Variants in UVRAG observed in about 807,000 individuals in gnomAD.
The protein encoded by UVRAG is UV radiation resistance-associated gene protein.
Under a neutral mutation model 78.0 loss-of-function variants are expected in UVRAG, and 19 were observed. The observed-to-expected ratio is 0.24, with a 90% CI of 0.17 to 0.36. The LOEUF (loss-of-function observed/expected upper bound fraction) is 0.36, where lower values mean the gene tolerates loss of function less well. Ranked by LOEUF, UVRAG falls within the 10% of genes least tolerant of loss-of-function variation. UVRAG has a pLI of 1.00. For missense variants in UVRAG, 740 were observed against 853.8 expected (o/e 0.87, Z 1.66); for synonymous variants, 323 against 324.6 (o/e 1.00, Z 0.05).
At chr11:76,007,738 T>A (rs1949974291) in intron 10 of UVRAG, 117 bp downstream of exon 10, 6 of 765,690 alleles carry the variant, frequency 7.8e-6, no homozygotes, top group Non-Finnish European at 1.3e-5. Flanking sequence ...CTGTCATGAT[T>A]CATTCAGGAG....
At chr11:76,001,291 A>G (rs1949809548) in intron 8 of UVRAG, among the ~76,000 whole-genome samples, 1 of 152,228 alleles carries the variant, frequency 6.6e-6, no homozygotes, top group Non-Finnish European at 1.5e-5. Context: ...GAAATGAATG[A>G]AAATGAAAAT....
intron 3 of UVRAG, among the ~76,000 whole-genome samples, chr11:75,873,818 T>C (rs1946703507): frequency 6.6e-6 from 1 of 152,130 alleles, no homozygotes; most frequent in South Asian, 2.1e-4. Flanking sequence ...TCATGTAAGG[T>C]AGAGTTGGTG....
chr11:75,894,628 C>G (rs1442888670), intron 5 of UVRAG, among the ~76,000 whole-genome samples: 1 of 151,392 alleles, frequency 6.6e-6, no homozygotes, highest in Admixed American at 6.6e-5. Flanking sequence ...GGTCTCAAAC[C>G]CCTGATCCCA....
intron 11 of UVRAG, 133 bp from the exon 12 acceptor site, chr11:76,016,682 A>G (rs1172687741): frequency 3.8e-6 from 3 of 787,894 alleles, no homozygotes; most frequent in African/African-American, 3.5e-5. Context: ...TAAAATTTAT[A>G]TAATTTAGAT....
At chr11:76,093,909 G>A (rs1951745959) in intron 13 of UVRAG, among the ~76,000 whole-genome samples, 1 of 152,174 alleles carries the variant, frequency 6.6e-6, no homozygotes, top group Admixed American at 6.5e-5. Flanking sequence ...AATAGGAGTG[G>A]TGAGAGAGGG....
At chr11:75,852,563 GT>G (rs1225308726) in intron 2 of UVRAG, among the ~76,000 whole-genome samples, 4 of 152,096 alleles carry the variant, frequency 2.6e-5, no homozygotes, top group Non-Finnish European at 4.4e-5. Context: ...GACATAATCC[GT>G]TGGCTTAGGT....
At chr11:76,074,394 G>T (rs1951368176) in intron 13 of UVRAG, among the ~76,000 whole-genome samples, 1 of 152,230 alleles carries the variant, frequency 6.6e-6, no homozygotes, top group Non-Finnish European at 1.5e-5. Context: ...GTACAAGTCA[G>T]AAGGCTAGCA....
At chr11:76,132,409 A>G (rs1952528537) in intron 14 of UVRAG, among the ~76,000 whole-genome samples, 1 of 152,164 alleles carries the variant, frequency 6.6e-6, no homozygotes, top group Non-Finnish European at 1.5e-5. Context: ...TGATCTAGTA[A>G]TGTCCCTCAG....
intron 13 of UVRAG, among the ~76,000 whole-genome samples, chr11:76,080,255 A>C (rs189669209): frequency 1.3e-5 from 2 of 152,330 alleles, no homozygotes. Flanking sequence ...TTTTGTGAAG[A>C]TTAGGTAGCA....
At chr11:76,115,873 A>G in intron 13 of UVRAG, 51 bp from the exon 14 acceptor site, 1 of 1,556,500 alleles carries the variant, frequency 6.4e-7, no homozygotes, top group Non-Finnish European at 8.8e-7. Context: ...CATTTTTCCG[A>G]AGCTTATAAT....
At chr11:76,034,352 C>T (rs1950490902) in intron 12 of UVRAG, among the ~76,000 whole-genome samples, 1 of 152,038 alleles carries the variant, frequency 6.6e-6, no homozygotes, top group South Asian at 2.1e-4. Context: ...CCAGCATGCC[C>T]AGCTATTTTT....
intron 14 of UVRAG, among the ~76,000 whole-genome samples, chr11:76,131,977 A>G (rs1591270498): frequency 6.6e-6 from 1 of 152,306 alleles, no homozygotes; most frequent in East Asian, 1.9e-4. Context: ...TGTTTTTTTG[A>G]AAAAACTAAC....
intron 3 of UVRAG, among the ~76,000 whole-genome samples, chr11:75,877,240 T>C (rs1946808994): frequency 6.6e-6 from 1 of 152,170 alleles, no homozygotes; most frequent in Admixed American, 6.5e-5. Context: ...AAGTCTCCCA[T>C]GTCTACTTCT....
intron 11 of UVRAG, chr11:76,012,832 TGTG>T (rs1950078481): frequency 1.3e-5 from 2 of 151,790 alleles, no homozygotes; most frequent in Non-Finnish European, 2.9e-5. Flanking sequence ...TGTGTGTGTG[TGTG>T]TGTGTGTGTG....
intron 8 of UVRAG, among the ~76,000 whole-genome samples, chr11:76,003,221 C>T (rs1402910134): frequency 6.8e-6 from 1 of 147,686 alleles, no homozygotes; most frequent in Non-Finnish European, 1.5e-5. Flanking sequence ...TCAGAATACA[C>T]ATTTCCTATA....
intron 13 of UVRAG, among the ~76,000 whole-genome samples, chr11:76,077,301 C>G (rs1951422364): frequency 6.6e-6 from 1 of 151,706 alleles, no homozygotes; most frequent in Non-Finnish European, 1.5e-5. Context: ...CTGCATTTTT[C>G]TAGTTGCAAA....
intron 4 of UVRAG, among the ~76,000 whole-genome samples, chr11:75,884,256 G>A (rs929811600): frequency 7.7e-6 from 1 of 129,034 alleles, no homozygotes; most frequent in Non-Finnish European, 1.6e-5. Context: ...CTCTCTCTCT[G>A]TGTGAAGTGT....
chr11:76,123,668 G>A (rs1952331905), intron 14 of UVRAG, among the ~76,000 whole-genome samples: 1 of 152,158 alleles, frequency 6.6e-6, no homozygotes, highest in Admixed American at 6.6e-5. Flanking sequence ...GTATAACACA[G>A]AGGAAGGAGC....
At chr11:75,884,852 A>C (rs1225383479) in intron 4 of UVRAG, among the ~76,000 whole-genome samples, 1 of 152,022 alleles carries the variant, frequency 6.6e-6, no homozygotes, top group Admixed American at 6.5e-5. Context: ...TTTTTCAAAA[A>C]ATTTCTGGCT....
Sources: gnomAD v4.1 joint callset for allele counts (sites outside exome capture counted in the v4.1 genomes callset) on GRCh38, gnomAD v4.1.1 for gene constraint, MANE v1.5 for transcripts, NCBI Gene and HGNC (gene_info 2026-07-23, HGNC 2026-07-21) for gene names.